The following PKNOX2 variants were observed in gnomAD, a reference collection of about 807,000 sequenced individuals.
PKNOX2 encodes the protein PBX/knotted 1 homeobox 2.
In PKNOX2, 14 loss-of-function variants were observed where a neutral mutation model predicts 53.1. The ratio of observed to expected loss-of-function variants is 0.26; its 90% CI spans 0.17 to 0.41. PKNOX2 has a LOEUF of 0.41. PKNOX2 is among the 10% of genes least tolerant of loss of function. The probability of loss-of-function intolerance (pLI) is 1.00; values close to 1 mark genes in which losing one functional copy is unlikely to be tolerated. For synonymous variants in PKNOX2, 257 were observed against 242.8 expected (o/e 1.06, Z -0.54); for missense variants, 496 against 602.8 (o/e 0.82, Z 1.85).
At chr11:125,310,232 C>G (rs1948720370) in intron 2 of PKNOX2, among the ~76,000 whole-genome samples, 1 of 152,110 alleles carries the variant, frequency 6.6e-6, no homozygotes, top group Non-Finnish European at 1.5e-5. Context: ...CGCGGTGGCT[C>G]ACACCTGTAA....
chr11:125,275,000 T>G (rs1442877014), intron 2 of PKNOX2, among the ~76,000 whole-genome samples: 1 of 152,210 alleles, frequency 6.6e-6, no homozygotes, highest in African/African-American at 2.4e-5. Context: ...AGATGCCTAC[T>G]GTGTGCAAGG....
intron 1 of PKNOX2, among the ~76,000 whole-genome samples, chr11:125,205,283 T>C (rs1169952121): frequency 1.3e-5 from 2 of 151,972 alleles, no homozygotes; most frequent in African/African-American, 4.8e-5. Flanking sequence ...GGGTGTGGAG[T>C]CCCTTCCGGG....
intron 2 of PKNOX2, among the ~76,000 whole-genome samples, chr11:125,328,275 C>A (rs1175011074): frequency 1.3e-5 from 2 of 152,010 alleles, no homozygotes; most frequent in East Asian, 1.9e-4. Context: ...GCAATTATTT[C>A]TTTACCTTCT....
At chr11:125,379,791 C>A (rs565267864) in intron 5 of PKNOX2, among the ~76,000 whole-genome samples, 2 of 152,138 alleles carry the variant, frequency 1.3e-5, no homozygotes, top group Non-Finnish European at 1.5e-5. Flanking sequence ...GTAAAAAACA[C>A]GAAGGCAGAA....
intron 6 of PKNOX2, among the ~76,000 whole-genome samples, chr11:125,396,275 A>G (rs1291012329): frequency 6.6e-6 from 1 of 151,122 alleles, no homozygotes; most frequent in African/African-American, 2.4e-5. Context: ...TTTGGTGTCA[A>G]CTCTAAGATC....
At chr11:125,280,265 C>T (rs1946465695) in intron 2 of PKNOX2, among the ~76,000 whole-genome samples, 1 of 152,126 alleles carries the variant, frequency 6.6e-6, no homozygotes, top group African/African-American at 2.4e-5. Flanking sequence ...CTTTGATATG[C>T]ACCTCGTGAC....
intron 2 of PKNOX2, among the ~76,000 whole-genome samples, chr11:125,246,774 A>G (rs541276773): frequency 1.4e-4 from 22 of 152,300 alleles, no homozygotes; most frequent in South Asian, 8.3e-4. Flanking sequence ...TTTTTCTTCC[A>G]CAGCTCCTGT....
chr11:125,261,085 A>G (rs186600270), intron 2 of PKNOX2, among the ~76,000 whole-genome samples: 7 of 152,328 alleles, frequency 4.6e-5, no homozygotes, highest in Admixed American at 3.9e-4. Context: ...ATGACCTGGA[A>G]ACTGTAAATG....
chr11:125,227,823 A>C (rs560934521), intron 1 of PKNOX2, among the ~76,000 whole-genome samples: 1 of 152,362 alleles, frequency 6.6e-6, no homozygotes, highest in African/African-American at 2.4e-5. Flanking sequence ...CATTTTCTTC[A>C]TTAACGCCGT....
At chr11:125,344,347 G>C (rs1212718990) in intron 3 of PKNOX2, among the ~76,000 whole-genome samples, 3 of 152,216 alleles carry the variant, frequency 2.0e-5, no homozygotes, top group African/African-American at 7.2e-5. Context: ...CAGGCCATTA[G>C]GGGGAGGCCA....
intron 1 of PKNOX2, among the ~76,000 whole-genome samples, chr11:125,209,160 C>T (rs1416564975): frequency 6.6e-6 from 1 of 152,080 alleles, no homozygotes; most frequent in East Asian, 1.9e-4. Context: ...AATCTCTTGC[C>T]TTACCTAGTC....
chr11:125,329,732 T>C (rs983305833), intron 2 of PKNOX2, among the ~76,000 whole-genome samples: 14 of 152,212 alleles, frequency 9.2e-5, no homozygotes, highest in Admixed American at 7.9e-4. Flanking sequence ...GACAGAAATA[T>C]AGAATCGGGC....
chr11:125,207,922 T>A (rs1939335107), intron 1 of PKNOX2, among the ~76,000 whole-genome samples: 3 of 152,142 alleles, frequency 2.0e-5, no homozygotes, highest in African/African-American at 4.8e-5. Flanking sequence ...TCCATTTTTT[T>A]AATTCAACAA....
At chr11:125,308,652 G>A (rs1022527465) in intron 2 of PKNOX2, among the ~76,000 whole-genome samples, 1 of 150,148 alleles carries the variant, frequency 6.7e-6, no homozygotes, top group Non-Finnish European at 1.5e-5. Context: ...TAATAACCAA[G>A]AGCTGGAAGG....
chr11:125,378,910 T>C (rs1006816059), intron 5 of PKNOX2, among the ~76,000 whole-genome samples: 1 of 152,114 alleles, frequency 6.6e-6, no homozygotes, highest in Non-Finnish European at 1.5e-5. Context: ...TTTTGCATTC[T>C]TTCTAACTTC....
chr11:125,268,083 G>A (rs1945498420), intron 2 of PKNOX2, among the ~76,000 whole-genome samples: 1 of 152,204 alleles, frequency 6.6e-6, no homozygotes, highest in African/African-American at 2.4e-5. Flanking sequence ...AGGTCACTGA[G>A]AATCTCAGGG....
chr11:125,426,949 G>A (rs1331590135), intron 10 of PKNOX2, among the ~76,000 whole-genome samples: 4 of 152,230 alleles, frequency 2.6e-5, no homozygotes, highest in Non-Finnish European at 4.4e-5. Flanking sequence ...AGAAAGGCAC[G>A]CGAGGACAGG....
chr11:125,339,756 C>T (rs561075995), intron 3 of PKNOX2, among the ~76,000 whole-genome samples: 3 of 152,388 alleles, frequency 2.0e-5, no homozygotes, highest in Admixed American at 1.3e-4. Context: ...GCCTGGCTTT[C>T]GTATGTGCCC....
At chr11:125,353,516 C>A (rs773383469) in intron 4 of PKNOX2, among the ~76,000 whole-genome samples, 1 of 152,180 alleles carries the variant, frequency 6.6e-6, no homozygotes, top group African/African-American at 2.4e-5. Flanking sequence ...GCTCAGCCCC[C>A]CAGAAGTCAC....
Sources: allele counts gnomAD v4.1 joint callset (sites outside exome capture counted in the v4.1 genomes callset), GRCh38; gene constraint gnomAD v4.1.1; transcripts MANE v1.5; gene names NCBI Gene and HGNC (gene_info 2026-07-23, HGNC 2026-07-21).